Variants in NKAIN3 observed in about 807,000 individuals in gnomAD.
NKAIN3 encodes the protein sodium/potassium-transporting ATPase subunit beta-1-interacting protein 3.
Under a neutral mutation model 30.2 loss-of-function variants are expected in NKAIN3, and 25 were observed. The observed-to-expected ratio is 0.83, with a 90% CI of 0.60 to 1.16. The LOEUF is 1.16. Among genes scored for constraint, NKAIN3 ranks in the 50% most tolerant of loss-of-function variants. The probability of loss-of-function intolerance (pLI) is 0.00; values close to 1 mark genes in which losing one functional copy is unlikely to be tolerated. For synonymous variants in NKAIN3, 91 were observed against 89.6 expected (o/e 1.02, Z -0.09); for missense variants, 225 against 254.1 (o/e 0.89, Z 0.78).
In NKAIN3 at chr8:62,249,132, G is replaced by A; in HGVS notation, c.54+5G>A. The A allele has an allele frequency of 1.3e-6, 2 of 1,534,812 alleles. No homozygotes were observed. The highest frequency in any genetic ancestry group is 1.2e-5 in the South Asian group (1 of 83,328). On this transcript the variant is annotated splice_donor_5th_base_variant and intron_variant, in intron 1 of 6. Coordinates refer to ENST00000623646, the MANE Select transcript of NKAIN3 (RefSeq NM_001304533.3). ...TGCCTCTGCGCGCTGCAGTTGGTGAGTGCCCCGAGGGCCCCTGCCCCAGGA... is the reference window on the plus strand; with the variant it reads ...TGCCTCTGCGCGCTGCAGTTGGTGAATGCCCCGAGGGCCCCTGCCCCAGGA...
At chr8:62,461,950 A>T (rs1048041121) in intron 1 of NKAIN3, among the ~76,000 whole-genome samples, 1 of 152,214 alleles carries the variant, frequency 6.6e-6, no homozygotes, top group Non-Finnish European at 1.5e-5. Flanking sequence ...AATTTGCTTA[A>T]AAACATTAAT....
intron 4 of NKAIN3, among the ~76,000 whole-genome samples, chr8:62,883,336 GT>G (rs145815671): frequency 0.016 from 2,427 of 151,856 alleles, 73 homozygotes; most frequent in African/African-American, 0.056. Context: ...ATGGTATTGT[GT>G]TTTTAATTGC....
intron 5 of NKAIN3, chr8:62,991,117 G>T (rs527421071): frequency 6.6e-6 from 1 of 152,402 alleles, no homozygotes; most frequent in South Asian, 2.1e-4. Flanking sequence ...AATGTTCAGG[G>T]AACTGAGAGG....
chr8:62,403,303 G>A (rs1219132452), intron 1 of NKAIN3, among the ~76,000 whole-genome samples: 2 of 152,172 alleles, frequency 1.3e-5, no homozygotes, highest in African/African-American at 4.8e-5. Context: ...TTTCTGGGGA[G>A]AAATACAAGC....
At chr8:62,710,993 G>A (rs116943125) in intron 3 of NKAIN3, among the ~76,000 whole-genome samples, 58 of 152,178 alleles carry the variant, frequency 3.8e-4, no homozygotes, top group Non-Finnish European at 6.2e-4. Context: ...CTTCATATAG[G>A]ATGCTTAGTT....
intron 4 of NKAIN3, among the ~76,000 whole-genome samples, chr8:62,859,804 C>T (rs930584504): frequency 2.0e-5 from 3 of 152,014 alleles, no homozygotes; most frequent in Non-Finnish European, 4.4e-5. Flanking sequence ...TGTCTGTGTC[C>T]TAGGTAGTGG....
chr8:62,934,040 T>A (rs2130874991), intron 5 of NKAIN3, among the ~76,000 whole-genome samples: 1 of 152,312 alleles, frequency 6.6e-6, no homozygotes, highest in South Asian at 2.1e-4. Context: ...AATTTGTGTG[T>A]CTTTAAAAAG....
chr8:62,990,284 G>C, intron 5 of NKAIN3: 2 of 1,472,638 alleles, frequency 1.4e-6, no homozygotes, highest in Non-Finnish European at 1.8e-6. Context: ...AGCCTCATGT[G>C]CTTCCTAAGA....
chr8:62,837,979 C>T (rs1819419654), intron 4 of NKAIN3, among the ~76,000 whole-genome samples: 1 of 151,844 alleles, frequency 6.6e-6, no homozygotes, highest in African/African-American at 2.4e-5. Context: ...CGTCCTAATG[C>T]TGATAAGAAT....
chr8:62,412,007 A>G (rs562839472), intron 1 of NKAIN3, among the ~76,000 whole-genome samples: 2 of 152,318 alleles, frequency 1.3e-5, no homozygotes, highest in South Asian at 2.1e-4. Context: ...ATTCAATGCT[A>G]TTACTAAAAA....
chr8:62,371,568 C>T (rs1816908963), intron 1 of NKAIN3, among the ~76,000 whole-genome samples: 1 of 151,790 alleles, frequency 6.6e-6, no homozygotes, highest in African/African-American at 2.4e-5. Flanking sequence ...TTATGTTCTG[C>T]AATATAAATT....
intron 4 of NKAIN3, among the ~76,000 whole-genome samples, chr8:62,806,230 G>T (rs1464102292): frequency 3.9e-5 from 6 of 152,214 alleles, no homozygotes; most frequent in Admixed American, 2.0e-4. Flanking sequence ...TTCAACCATT[G>T]TGGAAGTCAG....
chr8:62,278,622 T>C (rs1813050028), intron 1 of NKAIN3, among the ~76,000 whole-genome samples: 1 of 152,032 alleles, frequency 6.6e-6, no homozygotes, highest in African/African-American at 2.4e-5. Flanking sequence ...AGTGAGAACA[T>C]GTGGTGTTTG....
At chr8:62,640,281 C>A (rs569758036) in intron 3 of NKAIN3, among the ~76,000 whole-genome samples, 1 of 152,140 alleles carries the variant, frequency 6.6e-6, no homozygotes, top group South Asian at 2.1e-4. Flanking sequence ...GGGCGGTTTC[C>A]CCCATGCTCT....
chr8:62,452,079 G>C (rs1359481917), intron 1 of NKAIN3, among the ~76,000 whole-genome samples: 1 of 152,150 alleles, frequency 6.6e-6, no homozygotes, highest in Non-Finnish European at 1.5e-5. Flanking sequence ...TAGCCAATAG[G>C]TACCAAACTG....
At chr8:62,790,417 T>G (rs1817667565) in intron 4 of NKAIN3, among the ~76,000 whole-genome samples, 1 of 152,104 alleles carries the variant, frequency 6.6e-6, no homozygotes, top group East Asian at 1.9e-4. Context: ...AGGGATGCCC[T>G]CTCTTATCAT....
chr8:62,794,612 G>A (rs902143276), intron 4 of NKAIN3, among the ~76,000 whole-genome samples: 1 of 152,136 alleles, frequency 6.6e-6, no homozygotes, highest in Admixed American at 6.6e-5. Context: ...ATCTGTTTGA[G>A]CTCAGCCCTT....
intron 4 of NKAIN3, among the ~76,000 whole-genome samples, chr8:62,758,859 C>A (rs113422383): frequency 2.1e-3 from 314 of 152,286 alleles, no homozygotes; most frequent in African/African-American, 7.2e-3. Flanking sequence ...ACAGAATTAT[C>A]CAAATAATTC....
At chr8:62,478,803 T>G (rs1806604275) in intron 1 of NKAIN3, among the ~76,000 whole-genome samples, 2 of 152,164 alleles carry the variant, frequency 1.3e-5, no homozygotes, top group South Asian at 4.1e-4. Context: ...TTTCTAAAAC[T>G]TCCCACACAA....
Sources: allele counts gnomAD v4.1 joint callset (sites outside exome capture counted in the v4.1 genomes callset), GRCh38; gene constraint gnomAD v4.1.1; transcripts MANE v1.5; gene names NCBI Gene and HGNC (gene_info 2026-07-23, HGNC 2026-07-21).